The following MYH9 variants were observed in gnomAD, a reference collection of about 807,000 sequenced individuals.
The protein encoded by MYH9 is myosin heavy chain 9.
MYH9 carries 29 observed loss-of-function variants against 241.9 expected under a neutral mutation model. That is an observed-to-expected ratio of 0.12 (90% CI 0.09 to 0.16). The LOEUF is 0.16. Among genes scored for constraint, MYH9 ranks in the 10% least tolerant of loss-of-function variants. The pLI is 1.00. For missense variants in MYH9, 1,803 were observed against 2,595.5 expected (o/e 0.69, Z 6.63); for synonymous variants, 1,047 against 1,062.6 (o/e 0.99, Z 0.29).
intron 1 of MYH9, among the ~76,000 whole-genome samples, chr22:36,375,955 C>CTT (rs751350180): frequency 0.063 from 5,567 of 89,006 alleles, 328 homozygotes; most frequent in Non-Finnish European, 0.079. Context: ...TCAATAATTT[C>CTT]TTTTTTTTTT....
At chr22:36,291,683 T>TAAAAAAAAAAAAA (rs66686435) in intron 31 of MYH9, among the ~76,000 whole-genome samples, 75 of 86,778 alleles carry the variant, frequency 8.6e-4, no homozygotes, top group Non-Finnish European at 9.5e-4. Flanking sequence ...ATAAAAAAAT[T>TAAAAAAAAAAAAA]AAAAAAAAAA....
intron 1 of MYH9, among the ~76,000 whole-genome samples, chr22:36,386,982 C>T (rs1361395919): frequency 1.3e-5 from 2 of 152,252 alleles, no homozygotes; most frequent in East Asian, 1.9e-4. Context: ...GACGGGATGG[C>T]CCCTGGGTGC....
At position 36,327,489 on chromosome 22, in the gene MYH9, C is replaced by A; in HGVS notation, c.491-1G>T. The A allele has an allele frequency of 1.2e-6, 2 of 1,613,998 alleles. No individual in the cohort carries two copies. The highest frequency in any genetic ancestry group is 2.2e-5 in the South Asian group (2 of 91,062). ...CACAAGATGGATTGATCTTCTCGGT[C>A]TGAAACAAAGAAGACATCAGATTAA... On this transcript the variant is annotated splice_acceptor_variant, in intron 3 of 40. Coordinates refer to ENST00000216181, the MANE Select transcript of MYH9 (RefSeq NM_002473.6). LOFTEE classifies it high-confidence loss of function.
rs141520288 is a variant in MYH9, at chr22:36,371,596, C to T, written c.-20+16211G>A. Among the ~76,000 whole-genome samples, 758 of 152,232 alleles carry T rather than the reference C, an allele frequency of 5.0e-3. 9 individuals are homozygous for T. The highest frequency in any genetic ancestry group is 0.015 in the African/African-American group (620 of 41,552). ...TGTTGCCCAGGCTGGAGTGCAATGG[C>T]GCCATCTCGGCTCACTGCAACCTCT... On this transcript the variant is annotated intron_variant, in intron 1 of 40. Transcript: ENST00000216181.
intron 1 of MYH9, among the ~76,000 whole-genome samples, chr22:36,370,435 G>A (rs996127640): frequency 6.6e-6 from 1 of 152,200 alleles, no homozygotes; most frequent in Non-Finnish European, 1.5e-5. Context: ...GGGTCCTGGC[G>A]ACAAGGCCTC....
At chr22:36,339,345 A>G (rs975292611) in intron 3 of MYH9, among the ~76,000 whole-genome samples, 5 of 152,176 alleles carry the variant, frequency 3.3e-5, no homozygotes, top group African/African-American at 1.2e-4. Context: ...TAGGCCAATT[A>G]AGAGAGCTGG....
At chr22:36,368,532 G>A (rs1285029096) in intron 1 of MYH9, among the ~76,000 whole-genome samples, 1 of 152,200 alleles carries the variant, frequency 6.6e-6, no homozygotes, top group Admixed American at 6.5e-5. Flanking sequence ...TGATCAGGAA[G>A]GAGAAGCGCA....
At chr22:36,287,234 T>TA (rs1360053003) in intron 34 of MYH9, among the ~76,000 whole-genome samples, 1 of 152,214 alleles carries the variant, frequency 6.6e-6, no homozygotes, top group African/African-American at 2.4e-5. Flanking sequence ...ATTCTCCTGT[T>TA]ACTTCTTTTA....
At chr22:36,359,572 G>A (rs1399303368) in intron 1 of MYH9, among the ~76,000 whole-genome samples, 1 of 152,188 alleles carries the variant, frequency 6.6e-6, no homozygotes, top group African/African-American at 2.4e-5. Flanking sequence ...AAGAGAAATA[G>A]GACTGAGGAT....
intron 31 of MYH9, 84 bp from the exon 32 acceptor site, chr22:36,289,381 G>C (rs1470629340): frequency 7.8e-7 from 1 of 1,285,056 alleles, no homozygotes; most frequent in Non-Finnish European, 1.1e-6. Context: ...CCTGGGGAAG[G>C]AGGAGCCCAG....
At position 36,330,666 on chromosome 22, in the gene MYH9, G is replaced by A. The variant is rs1281036296; in HGVS notation, c.491-3178C>T. ...CATTCTAGTGGAGACTGCCATTGGCGCCCACCCCATCAACCCTTCCCCGCA... is the reference window on the plus strand; with the variant it reads ...CATTCTAGTGGAGACTGCCATTGGCACCCACCCCATCAACCCTTCCCCGCA... On this transcript the variant is annotated intron_variant, in intron 3 of 40. Transcript: ENST00000216181. This position sits in a 1 kb window ranked among gnomAD's most constrained non-coding sequence, Gnocchi z 4.5. Among the ~76,000 whole-genome samples the A allele has an allele frequency of 1.3e-5, 2 of 151,864 alleles. No individual in the cohort carries two copies. The highest frequency in any genetic ancestry group is 2.9e-5 in the Non-Finnish European group (2 of 67,982).
intron 2 of MYH9, among the ~76,000 whole-genome samples, chr22:36,345,338 A>G (rs2017661610): frequency 6.7e-6 from 1 of 148,174 alleles, no homozygotes; most frequent in East Asian, 2.0e-4. Flanking sequence ...AAAAGTTCCC[A>G]TGGAATCCTC....
In MYH9 at chr22:36,285,073, G is replaced by C. The variant is rs748514635; in HGVS notation, c.5483+48C>G. 2.5e-6 allele frequency: 4 copies of C among 1,584,998 alleles called. No homozygotes were observed. In the South Asian group the frequency reaches 4.4e-5, roughly 18 times the overall value. On this transcript the variant is annotated intron_variant, in intron 38 of 40. Transcript: ENST00000216181. The surrounding 1 kb of genome is among the most constrained non-coding windows in gnomAD (Gnocchi z 7.0). The stretch of plus-strand genomic sequence containing the variant: ...TTTGGGCAGGACTGCAGGGGGGCCA[G>C]AGTTTTTTCCAGGACAGCTGGGGTT...
In MYH9 at chr22:36,305,825, T is replaced by C. The variant is rs567097987; in HGVS notation, c.2159+105A>G. The C allele has an allele frequency of 6.6e-7, 1 of 1,516,454 alleles. No homozygotes were observed. Among genetic ancestry groups the C allele is most frequent in the East Asian group, 2.3e-5 (1 of 44,118 alleles). 93.9% of individuals were successfully genotyped at this position (1,516,454 alleles called of 1,614,324 possible). A position where few individuals can be genotyped will look rare whatever the true frequency, so the allele number is the denominator to read the frequency against. On this transcript the variant is annotated intron_variant, in intron 17 of 40. Transcript: ENST00000216181. This position sits in a 1 kb window ranked among gnomAD's most constrained non-coding sequence, Gnocchi z 4.7. ...CTCAGTTCTACATGGATGGAGGACG[T>C]CGCTCCCTCACGACAGGATCCTGCC...
intron 1 of MYH9, among the ~76,000 whole-genome samples, chr22:36,368,923 G>A (rs985187753): frequency 2.0e-5 from 3 of 150,550 alleles, no homozygotes; most frequent in East Asian, 2.0e-4. Flanking sequence ...GGGGGTGGGG[G>A]TGGGGGGGCT....
intron 1 of MYH9, among the ~76,000 whole-genome samples, chr22:36,359,535 A>C (rs2017904614): frequency 6.6e-6 from 1 of 152,248 alleles, no homozygotes; most frequent in Non-Finnish European, 1.5e-5. Context: ...AAAGGGAAAG[A>C]ATGCATACTG....
chr22:36,311,346 A>T (rs1379421708), intron 14 of MYH9, among the ~76,000 whole-genome samples: 1 of 152,138 alleles, frequency 6.6e-6, no homozygotes, highest in Non-Finnish European at 1.5e-5. Context: ...TGTCACCCAC[A>T]GCAGTGGCAA....
rs756229114 is a variant in MYH9 at position 36,293,913 on chromosome 22, C to T, written c.3838-50G>A. The T allele has an allele frequency of 2.6e-5, 40 of 1,538,602 alleles. No individual in the cohort carries two copies. Among genetic ancestry groups the T allele is most frequent in the Admixed American group, 3.6e-5 (2 of 56,092 alleles). The stretch of plus-strand genomic sequence containing the variant: ...GGACCATGGACCCACCCCCACTGCT[C>T]CTGCCCCACCTCATCTCCTTTAGGT... On this transcript the variant is annotated intron_variant, in intron 28 of 40. Coordinates refer to ENST00000216181, the MANE Select transcript of MYH9 (RefSeq NM_002473.6). The surrounding 1 kb of genome is among the most constrained non-coding windows in gnomAD (Gnocchi z 5.1).
At chr22:36,312,790 G>A (rs1318338826) in intron 13 of MYH9, among the ~76,000 whole-genome samples, 1 of 152,196 alleles carries the variant, frequency 6.6e-6, no homozygotes, top group African/African-American at 2.4e-5. Context: ...AAATTCAACT[G>A]ATTAAAGAAA....
Sources: gnomAD v4.1 joint callset for allele counts (sites outside exome capture counted in the v4.1 genomes callset) on GRCh38, gnomAD v4.1.1 for gene constraint, Gnocchi (gnomAD v3.1) non-coding constraint, MANE v1.5 for transcripts, NCBI Gene and HGNC (gene_info 2026-07-23, HGNC 2026-07-21) for gene names.